Variants in RUNX2 observed in about 807,000 individuals in gnomAD.
The protein encoded by RUNX2 is runt-related transcription factor 2.
RUNX2 carries 10 observed loss-of-function variants against 51.7 expected under a neutral mutation model. The observed-to-expected ratio is 0.19, with a 90% CI of 0.12 to 0.33. The LOEUF (loss-of-function observed/expected upper bound fraction) is 0.33. RUNX2 is among the 10% of genes least tolerant of loss of function. The probability of loss-of-function intolerance (pLI) is 1.00; values close to 1 mark genes in which losing one functional copy is unlikely to be tolerated. For missense variants in RUNX2, 562 were observed against 691.3 expected (o/e 0.81, Z 2.10); for synonymous variants, 276 against 273.6 (o/e 1.01, Z -0.09).
chr6:45,400,992 G>T (rs543508168), intron 2 of RUNX2, among the ~76,000 whole-genome samples: 11 of 152,180 alleles, frequency 7.2e-5, no homozygotes, highest in African/African-American at 2.6e-4. Flanking sequence ...TAGAATCTAG[G>T]TGGTAAGTAT....
At chr6:45,500,176 A>G (rs943378875) in intron 6 of RUNX2, among the ~76,000 whole-genome samples, 2 of 152,184 alleles carry the variant, frequency 1.3e-5, no homozygotes, top group Non-Finnish European at 2.9e-5. Flanking sequence ...TGCTTCACAT[A>G]TCCATTATTT....
At position 45,546,902 on chromosome 6, in the gene RUNX2, C is replaced by G; in HGVS notation, c.1163C>G (p.Ser388Cys). The change falls in exon 9 of 9, where the codon TCC becomes TGC. Residue 388 changes from serine to cysteine, a missense_variant. Coordinates refer to ENST00000647337, the MANE Select transcript of RUNX2 (RefSeq NM_001024630.4). ...SISSLTESRFSNPRMHYPATF... is the reference protein window; with the variant it reads ...SISSLTESRFCNPRMHYPATF... Reference sequence around the variant, plus strand: ...TCATCCCTCACTGAGAGCCGCTTCTCCAACCCACGAATGCACTATCCAGCC... The same window carrying G: ...TCATCCCTCACTGAGAGCCGCTTCTGCAACCCACGAATGCACTATCCAGCC... 1 of 1,614,078 alleles carries G rather than the reference C, an allele frequency of 6.2e-7. No individual in the cohort carries two copies. The highest frequency in any genetic ancestry group is 2.2e-5 in the East Asian group (1 of 44,876).
At chr6:45,416,338 G>A (rs184491504) in intron 2 of RUNX2, among the ~76,000 whole-genome samples, 14 of 152,182 alleles carry the variant, frequency 9.2e-5, no homozygotes, top group Admixed American at 9.2e-4. Context: ...TTTTCACTTT[G>A]ATGGCAGGGT....
chr6:45,487,616 G>T (rs551876591), intron 5 of RUNX2, among the ~76,000 whole-genome samples: 66 of 152,004 alleles, frequency 4.3e-4, no homozygotes, highest in Non-Finnish European at 7.8e-4. Flanking sequence ...CAAACAAGAA[G>T]AACTTTTTTG....
intron 2 of RUNX2, among the ~76,000 whole-genome samples, chr6:45,383,090 C>T (rs897867104): frequency 1.4e-4 from 22 of 152,090 alleles, no homozygotes; most frequent in Admixed American, 4.6e-4. Flanking sequence ...GGAATAAGTA[C>T]ATAATTAAGC....
chr6:45,508,859 A>T (rs777048154), intron 6 of RUNX2, among the ~76,000 whole-genome samples: 16 of 152,206 alleles, frequency 1.1e-4, no homozygotes, highest in Admixed American at 2.0e-4. Context: ...CTTAATTTTA[A>T]TATTTTATTA....
Position 45,479,509 on chromosome 6 carries a change from C to T in RUNX2, c.686-12432C>T, listed in dbSNP as rs187144986. Among the ~76,000 whole-genome samples, 303 of 152,222 alleles carry T rather than the reference C, an allele frequency of 2.0e-3. 2 individuals are homozygous for T. The highest frequency in any genetic ancestry group is 5.4e-3 in the African/African-American group (225 of 41,524). ...GACATGGAACTAATGTTAGTAGTAA[C>T]GCTGTTCCTCTGGCTGGATTATTCC... On this transcript the variant is annotated intron_variant, in intron 5 of 8. Coordinates refer to ENST00000647337, the MANE Select transcript of RUNX2 (RefSeq NM_001024630.4).
intron 6 of RUNX2, among the ~76,000 whole-genome samples, chr6:45,502,223 T>TG (rs1405084866): frequency 6.6e-6 from 1 of 152,210 alleles, no homozygotes; most frequent in African/African-American, 2.4e-5. Flanking sequence ...AGCAGCACAC[T>TG]GCTCTCCCTT....
chr6:45,494,012 G>C (rs956187603), intron 6 of RUNX2, among the ~76,000 whole-genome samples: 1 of 152,136 alleles, frequency 6.6e-6, no homozygotes, highest in South Asian at 2.1e-4. Context: ...TTCTCTCAAG[G>C]CTTTGTCCTT....
intron 2 of RUNX2, among the ~76,000 whole-genome samples, chr6:45,340,587 G>C (rs1447403077): frequency 4.6e-5 from 7 of 152,044 alleles, no homozygotes; most frequent in Non-Finnish European, 1.0e-4. Context: ...GTCTCCCAAA[G>C]TGCTGAGATT....
chr6:45,354,168 C>T (rs1475820003), intron 2 of RUNX2, among the ~76,000 whole-genome samples: 2 of 152,034 alleles, frequency 1.3e-5, no homozygotes, highest in Admixed American at 6.6e-5. Context: ...TCCTCTATGA[C>T]TTTCAAATAG....
intron 5 of RUNX2, among the ~76,000 whole-genome samples, chr6:45,478,254 C>T (rs1230747887): frequency 6.6e-6 from 1 of 152,088 alleles, no homozygotes; most frequent in Non-Finnish European, 1.5e-5. Context: ...CGTGAGCACC[C>T]TAGTTTAGCA....
chr6:45,523,917 C>T (rs1222589410), intron 7 of RUNX2, among the ~76,000 whole-genome samples: 3 of 150,940 alleles, frequency 2.0e-5, no homozygotes, highest in Admixed American at 1.3e-4. Context: ...AGCAACAGAG[C>T]GAGACTGCAT....
chr6:45,432,169 T>G, intron 4 of RUNX2, 150 bp downstream of exon 4: 1 of 806,960 alleles, frequency 1.2e-6, no homozygotes, highest in East Asian at 2.7e-5. Context: ...TGAAGTTGAG[T>G]GTTTTTCTGA....
intron 4 of RUNX2, among the ~76,000 whole-genome samples, 172 bp from the exon 5 acceptor site, chr6:45,437,775 C>T (rs1798726435): frequency 6.6e-6 from 1 of 152,158 alleles, no homozygotes; most frequent in South Asian, 2.1e-4. Context: ...TGGAAATGTC[C>T]TAAAGTGGTC....
chr6:45,519,788 A>ATGTGTGTG (rs1409149253), intron 7 of RUNX2, among the ~76,000 whole-genome samples: 1 of 118,848 alleles, frequency 8.4e-6, no homozygotes, highest in Non-Finnish European at 1.7e-5. Flanking sequence ...ATATATATAT[A>ATGTGTGTG]TATGTGTGTG....
intron 2 of RUNX2, among the ~76,000 whole-genome samples, chr6:45,390,327 C>G (rs1231287901): frequency 1.3e-5 from 2 of 152,184 alleles, no homozygotes; most frequent in African/African-American, 4.8e-5. Flanking sequence ...GGGTCAAACC[C>G]CAAACCCGAA....
At position 45,429,427 on chromosome 6, in the gene RUNX2, T is replaced by C. The variant is rs559236165; in HGVS notation, c.424-2436T>C. The stretch of plus-strand genomic sequence containing the variant: ...TTTTCAAATGTTCACATTTTTGGCA[T>C]GGTGAATTTGAAAAATTGAAAAGCA... On this transcript the variant is annotated intron_variant, in intron 3 of 8. Transcript: ENST00000647337. Among the ~76,000 whole-genome samples the C allele has an allele frequency of 5.9e-5, 9 of 152,336 alleles. No individual in the cohort carries two copies. In the East Asian group the frequency reaches 1.5e-3, roughly 26 times the overall value.
intron 2 of RUNX2, among the ~76,000 whole-genome samples, chr6:45,409,428 C>T (rs188558708): frequency 1.3e-3 from 198 of 152,308 alleles, no homozygotes; most frequent in Admixed American, 2.3e-3. Flanking sequence ...TGGAGCTGTA[C>T]TCTTTTGCCT....
Sources: allele counts gnomAD v4.1 joint callset (sites outside exome capture counted in the v4.1 genomes callset), GRCh38; gene constraint gnomAD v4.1.1; transcripts MANE v1.5; gene names NCBI Gene and HGNC (gene_info 2026-07-23, HGNC 2026-07-21).